Variants in OSBPL10 observed in about 807,000 individuals in gnomAD.
The protein encoded by OSBPL10 is oxysterol binding protein like 10.
Under a neutral mutation model 81.7 loss-of-function variants are expected in OSBPL10, and 49 were observed. That is an observed-to-expected ratio of 0.60 (90% CI 0.48 to 0.76). The LOEUF (loss-of-function observed/expected upper bound fraction) is 0.76, where lower values mean the gene tolerates loss of function less well. OSBPL10 is among the 30% of genes least tolerant of loss of function. OSBPL10 has a pLI of 0.00. For synonymous variants in OSBPL10, 419 were observed against 383.6 expected (o/e 1.09, Z -1.08); for missense variants, 923 against 987.8 (o/e 0.93, Z 0.88).
intron 2 of OSBPL10, among the ~76,000 whole-genome samples, chr3:32,020,715 G>GAA (rs1052194577): frequency 1.4e-5 from 2 of 138,344 alleles, no homozygotes; most frequent in African/African-American, 5.3e-5. Flanking sequence ...ATCTCCAGGA[G>GAA]AAAAAAAAAA....
At chr3:31,780,031 G>A (rs906093870) in intron 4 of OSBPL10, among the ~76,000 whole-genome samples, 5 of 152,166 alleles carry the variant, frequency 3.3e-5, no homozygotes, top group South Asian at 4.1e-4. Flanking sequence ...GGTGGCTCAC[G>A]CCTGTAATCC....
chr3:31,721,705 A>G (rs1017646710), intron 6 of OSBPL10: 2 of 152,236 alleles, frequency 1.3e-5, no homozygotes, highest in East Asian at 3.8e-4. Context: ...TACTTAGCCT[A>G]GAATAGCATG....
At chr3:31,671,040 G>A in intron 8 of OSBPL10, 57 bp from the exon 9 acceptor site, 2 of 1,463,072 alleles carry the variant, frequency 1.4e-6, no homozygotes, top group Non-Finnish European at 1.8e-6. Flanking sequence ...GGGCACTGGG[G>A]ATCAGAAGAA....
At chr3:31,815,808 G>C (rs1699820836) in intron 4 of OSBPL10, among the ~76,000 whole-genome samples, 1 of 152,198 alleles carries the variant, frequency 6.6e-6, no homozygotes, top group Non-Finnish European at 1.5e-5. Flanking sequence ...CATGAACTCA[G>C]CCAACGTCTC....
chr3:31,858,571 A>G (rs1700984423), intron 3 of OSBPL10, among the ~76,000 whole-genome samples: 1 of 152,106 alleles, frequency 6.6e-6, no homozygotes, highest in Non-Finnish European at 1.5e-5. Context: ...ATACAATTCA[A>G]TCCTCACATC....
chr3:31,740,489 A>C (rs187039599), intron 5 of OSBPL10, among the ~76,000 whole-genome samples: 1 of 152,334 alleles, frequency 6.6e-6, no homozygotes, highest in East Asian at 1.9e-4. Flanking sequence ...AATAGCAAAA[A>C]TTGGAAAGCA....
At position 31,670,742 on chromosome 3, in the gene OSBPL10, G is replaced by A. The variant is rs375826602; in HGVS notation, c.1913+55C>T. The A allele has an allele frequency of 4.6e-6, 7 of 1,515,008 alleles. No individual in the cohort carries two copies. The East Asian group carries it at 9.1e-5, about 20-fold the overall frequency. The allele number at this position is 1,515,008 out of a possible 1,614,324, so 93.8% of individuals were successfully genotyped here. ...AAACTCAGTCTTCTAATGGTGAAAGGAAACTCAGGGCATCTTGTTAAGACA... is the reference window on the plus strand; with the variant it reads ...AAACTCAGTCTTCTAATGGTGAAAGAAAACTCAGGGCATCTTGTTAAGACA... On this transcript the variant is annotated intron_variant, in intron 9 of 11. Coordinates refer to ENST00000396556, the MANE Select transcript of OSBPL10 (RefSeq NM_017784.5).
At chr3:31,908,844 C>T (rs1407872849) in intron 1 of OSBPL10, among the ~76,000 whole-genome samples, 2 of 152,150 alleles carry the variant, frequency 1.3e-5, no homozygotes, top group African/African-American at 2.4e-5. Context: ...AGGAGATGAG[C>T]GGCTCCCCCT....
chr3:31,744,089 C>T (rs1359292632), intron 5 of OSBPL10, among the ~76,000 whole-genome samples: 3 of 152,230 alleles, frequency 2.0e-5, no homozygotes, highest in African/African-American at 7.2e-5. Context: ...AGATTTAAGA[C>T]ACACAGTAGG....
chr3:31,916,447 G>T (rs577095709), intron 1 of OSBPL10, among the ~76,000 whole-genome samples: 2 of 152,150 alleles, frequency 1.3e-5, no homozygotes, highest in African/African-American at 2.4e-5. Context: ...TGTAACAACA[G>T]GTTGGTTATA....
At chr3:31,912,710 G>A (rs1696620252) in intron 1 of OSBPL10, among the ~76,000 whole-genome samples, 1 of 152,146 alleles carries the variant, frequency 6.6e-6, no homozygotes, top group Non-Finnish European at 1.5e-5. Flanking sequence ...CAATAAAGCT[G>A]TCGTAGAGTG....
chr3:31,874,386 A>C (rs1172674244), intron 3 of OSBPL10, among the ~76,000 whole-genome samples: 3 of 152,204 alleles, frequency 2.0e-5, no homozygotes, highest in African/African-American at 7.2e-5. Context: ...ACTTGACTGC[A>C]AAAACTTAAA....
At chr3:32,066,001 A>G (rs534053289) in intron 1 of OSBPL10, among the ~76,000 whole-genome samples, 1 of 58,062 alleles carries the variant, frequency 1.7e-5, no homozygotes, top group African/African-American at 4.0e-5. Context: ...GAAAGAAAGA[A>G]AGAAAGAGAA....
At chr3:31,837,646 T>A (rs1486198413) in intron 3 of OSBPL10, among the ~76,000 whole-genome samples, 1 of 106,972 alleles carries the variant, frequency 9.3e-6, no homozygotes, top group African/African-American at 3.0e-5. Flanking sequence ...GACTGTTTTA[T>A]TTCAAAAAAA....
At chr3:31,893,454 C>G (rs1370082264) in intron 1 of OSBPL10, among the ~76,000 whole-genome samples, 1 of 152,190 alleles carries the variant, frequency 6.6e-6, no homozygotes, top group Admixed American at 6.5e-5. Context: ...TTTCCACACT[C>G]TTGGTAGGAA....
chr3:31,773,618 TTTAC>T (rs1368347033), intron 4 of OSBPL10, among the ~76,000 whole-genome samples: 1 of 152,162 alleles, frequency 6.6e-6, no homozygotes, highest in East Asian at 1.9e-4. Flanking sequence ...ATGGTGGTGG[TTTAC>T]TTGCTTCTCC....
rs144527106 is a variant in OSBPL10 at position 32,022,377 on chromosome 3, G to A, written n.298+24114C>T. Among the ~76,000 whole-genome samples the A allele has an allele frequency of 5.6e-3, 860 of 152,270 alleles. 3 individuals are homozygous for A. Among genetic ancestry groups the A allele is most frequent in the Non-Finnish European group, 8.0e-3 (546 of 68,024 alleles). On this transcript the variant is annotated intron_variant and non_coding_transcript_variant, in intron 2 of 3. Coordinates refer to the OSBPL10 transcript ENST00000479173. ...ACAGGTAAGGGTTTTTTAGGATGGCGAGGCAGTTACAGGCAAAGTCATAAA... is the reference window on the plus strand; with the variant it reads ...ACAGGTAAGGGTTTTTTAGGATGGCAAGGCAGTTACAGGCAAAGTCATAAA...
intron 7 of OSBPL10, among the ~76,000 whole-genome samples, chr3:31,695,886 T>A (rs1161362328): frequency 6.6e-6 from 1 of 152,228 alleles, no homozygotes; most frequent in East Asian, 1.9e-4. Context: ...GTTCACTTGA[T>A]AATCATAATA....
chr3:31,697,123 T>C (rs868595199), intron 7 of OSBPL10, among the ~76,000 whole-genome samples: 84 of 152,360 alleles, frequency 5.5e-4, no homozygotes, highest in African/African-American at 1.9e-3. Context: ...CTTGTGCCAG[T>C]TTGGGGCCTA....
Sources: gnomAD v4.1 joint callset for allele counts (sites outside exome capture counted in the v4.1 genomes callset) on GRCh38, gnomAD v4.1.1 for gene constraint, MANE v1.5 for transcripts, NCBI Gene and HGNC (gene_info 2026-07-23, HGNC 2026-07-21) for gene names.